Variants in PDZD2 observed in about 807,000 individuals in gnomAD.
The protein encoded by PDZD2 is PDZ domain-containing protein 2.
Under a neutral mutation model 220.7 loss-of-function variants are expected in PDZD2, and 90 were observed. The observed-to-expected ratio is 0.41, with a 90% CI of 0.34 to 0.49. The LOEUF (loss-of-function observed/expected upper bound fraction) is 0.49. Ranked by LOEUF, PDZD2 falls within the 20% of genes least tolerant of loss-of-function variation. PDZD2 has a pLI of 0.28. For missense variants in PDZD2, 3,174 were observed against 3,608.5 expected (o/e 0.88, Z 3.08); for synonymous variants, 1,375 against 1,450.5 (o/e 0.95, Z 1.18).
intron 5 of PDZD2, among the ~76,000 whole-genome samples, chr5:32,003,423 C>A (rs1187385065): frequency 2.1e-3 from 235 of 113,998 alleles, no homozygotes; most frequent in African/African-American, 6.0e-3. Flanking sequence ...CACACACACC[C>A]CCCCCACACA....
intron 1 of PDZD2, among the ~76,000 whole-genome samples, chr5:31,775,898 G>C (rs1189314114): frequency 6.6e-6 from 1 of 152,004 alleles, no homozygotes; most frequent in African/African-American, 2.4e-5. Flanking sequence ...CGGGCCCTGT[G>C]GATTTAGATG....
At chr5:31,709,660 C>T (rs750156776) in intron 1 of PDZD2, among the ~76,000 whole-genome samples, 2 of 152,050 alleles carry the variant, frequency 1.3e-5, no homozygotes, top group Non-Finnish European at 2.9e-5. Context: ...TTTCCAAGGC[C>T]ATTAAGTCAT....
chr5:32,023,089 C>T (rs549039013), intron 6 of PDZD2, among the ~76,000 whole-genome samples: 1 of 152,328 alleles, frequency 6.6e-6, no homozygotes, highest in South Asian at 2.1e-4. Context: ...GGGGTGCTGG[C>T]TTCTGGGAGC....
At chr5:31,867,281 T>C (rs1738314598) in intron 2 of PDZD2, among the ~76,000 whole-genome samples, 1 of 152,226 alleles carries the variant, frequency 6.6e-6, no homozygotes, top group African/African-American at 2.4e-5. Context: ...GCAGCCCCAG[T>C]GTATACAGTT....
At chr5:32,101,920 AATAG>A (rs1744290279) in intron 24 of PDZD2, among the ~76,000 whole-genome samples, 1 of 152,192 alleles carries the variant, frequency 6.6e-6, no homozygotes, top group Non-Finnish European at 1.5e-5. Context: ...TATACTTGCA[AATAG>A]ATCAGAAACC....
At chr5:31,725,832 C>T (rs1749093172) in intron 1 of PDZD2, 1 of 827,776 alleles carries the variant, frequency 1.2e-6, no homozygotes, top group South Asian at 1.3e-5. Context: ...TTGAATCTCT[C>T]ATTGCCGGAA....
chr5:32,010,822 C>CCCATCT, intron 6 of PDZD2: 1 of 361,302 alleles, frequency 2.8e-6, no homozygotes, highest in East Asian at 7.4e-5. Context: ...ATGATGAAAC[C>CCCATCT]TAGTCTCTAC....
In PDZD2 at chr5:32,073,935, C is replaced by T. The variant is rs1239920145; in HGVS notation, c.2829C>T (p.Ala943=). The T allele has an allele frequency of 6.2e-7, 1 of 1,614,104 alleles. No individual in the cohort carries two copies. The highest frequency in any genetic ancestry group is 1.1e-5 in the South Asian group (1 of 91,080). The change falls in exon 18 of 25, where the codon GCC becomes GCT. Residue 943 remains alanine (A), a synonymous_variant. Transcript: ENST00000438447. ...AGCAGGTGACAGTTGCCAGACAAGCCAGTCTCCCCGGAAGCCCACAGGCCC... is the reference window on the plus strand; with the variant it reads ...AGCAGGTGACAGTTGCCAGACAAGCTAGTCTCCCCGGAAGCCCACAGGCCC... ...FHKQVTVARQ[A]SLPGSPQALR... is the part of the protein sequence containing the mutation.
Position 32,061,115 on chromosome 5 carries a change from G to T in PDZD2, c.2432G>T (p.Gly811Val). 6 of 1,614,152 alleles carry T rather than the reference G, an allele frequency of 3.7e-6. No individual in the cohort carries two copies. The highest frequency in any genetic ancestry group is 5.1e-6 in the Non-Finnish European group (6 of 1,180,030). ...CPPGPVRLVIGRHPNPKVSEQ... is the reference protein window; with the variant it reads ...CPPGPVRLVIVRHPNPKVSEQ... Reference sequence around the variant, plus strand: ...CCAGGACCCGTTCGCCTTGTCATCGGCCGGCACCCTAATCCAAAGGTGAGG... The same window carrying T: ...CCAGGACCCGTTCGCCTTGTCATCGTCCGGCACCCTAATCCAAAGGTGAGG... Residue 811 changes from glycine (G) to valine (V), a missense_variant, in exon 14 of 25, where the codon GGC (glycine) becomes GTC (valine). Coordinates refer to ENST00000438447, the MANE Select transcript of PDZD2 (RefSeq NM_178140.4).
intron 1 of PDZD2, among the ~76,000 whole-genome samples, chr5:31,665,775 T>A (rs1745966157): frequency 6.6e-6 from 1 of 152,154 alleles, no homozygotes; most frequent in African/African-American, 2.4e-5. Context: ...GTTCTCTTTA[T>A]AAATTGCCCA....
intron 1 of PDZD2, among the ~76,000 whole-genome samples, chr5:31,691,074 C>T (rs1052074416): frequency 1.3e-5 from 2 of 152,202 alleles, no homozygotes; most frequent in African/African-American, 4.8e-5. Flanking sequence ...AAGCCGCGGA[C>T]CCTCATGGTG....
chr5:31,710,576 G>C (rs911382302), intron 1 of PDZD2, among the ~76,000 whole-genome samples: 1 of 152,064 alleles, frequency 6.6e-6, no homozygotes, highest in Non-Finnish European at 1.5e-5. Flanking sequence ...TCAGCACTTC[G>C]GGAGGCCGAG....
At chr5:31,926,569 C>G (rs954353986) in intron 2 of PDZD2, among the ~76,000 whole-genome samples, 1 of 118,722 alleles carries the variant, frequency 8.4e-6, no homozygotes, top group Non-Finnish European at 1.9e-5. Flanking sequence ...TAAAAAATAA[C>G]AGACGCTGGG....
At chr5:31,885,570 T>C (rs968867436) in intron 2 of PDZD2, among the ~76,000 whole-genome samples, 4 of 152,200 alleles carry the variant, frequency 2.6e-5, no homozygotes, top group Non-Finnish European at 4.4e-5. Flanking sequence ...CAGAATACTA[T>C]GTGGCAATTT....
chr5:31,845,732 C>T (rs1352726976), intron 2 of PDZD2, among the ~76,000 whole-genome samples: 2 of 152,140 alleles, frequency 1.3e-5, no homozygotes, highest in Non-Finnish European at 2.9e-5. Context: ...ATAATCTTGT[C>T]CAGTTTCATT....
chr5:31,841,228 CAT>C (rs1491078594), intron 2 of PDZD2, among the ~76,000 whole-genome samples: 1 of 144,696 alleles, frequency 6.9e-6, no homozygotes, highest in Non-Finnish European at 1.5e-5. Context: ...CACACACACA[CAT>C]AAACACACAC....
chr5:31,889,007 C>G (rs1253301956), intron 2 of PDZD2, among the ~76,000 whole-genome samples: 1 of 152,156 alleles, frequency 6.6e-6, no homozygotes, highest in Non-Finnish European at 1.5e-5. Flanking sequence ...TCTTGATGCT[C>G]CTCCCCGAGC....
intron 3 of PDZD2, among the ~76,000 whole-genome samples, chr5:31,992,159 G>C (rs1159989013): frequency 1.3e-5 from 2 of 152,072 alleles, no homozygotes; most frequent in Non-Finnish European, 2.9e-5. Flanking sequence ...GAGGAAACTT[G>C]CATTAATTTC....
intron 6 of PDZD2, among the ~76,000 whole-genome samples, chr5:32,020,085 T>G (rs1258395993): frequency 1.4e-5 from 2 of 143,764 alleles, no homozygotes; most frequent in African/African-American, 5.0e-5. Context: ...TTTTTTTTTT[T>G]GAGACAGAGT....
Sources: gnomAD v4.1 joint callset for allele counts (sites outside exome capture counted in the v4.1 genomes callset) on GRCh38, gnomAD v4.1.1 for gene constraint, MANE v1.5 for transcripts, NCBI Gene and HGNC (gene_info 2026-07-23, HGNC 2026-07-21) for gene names.